RELN: variants seen among roughly 807,000 people sequenced by gnomAD.
The protein encoded by RELN is reelin.
A neutral mutation model predicts 427.6 loss-of-function variants in RELN; 108 were observed. The ratio of observed to expected loss-of-function variants is 0.25; its 90% CI spans 0.22 to 0.30. The LOEUF (loss-of-function observed/expected upper bound fraction) is 0.30, where lower values mean the gene tolerates loss of function less well. RELN is among the 10% of genes least tolerant of loss of function. The pLI, the probability that RELN is intolerant of heterozygous loss-of-function variation, is 1.00. For synonymous variants in RELN, 1,524 were observed against 1,513.4 expected (o/e 1.01, Z -0.16); for missense variants, 3,715 against 4,302.8 (o/e 0.86, Z 3.82).
chr7:103,768,852 G>T (rs929607604), intron 4 of RELN, among the ~76,000 whole-genome samples: 3 of 152,028 alleles, frequency 2.0e-5, no homozygotes, highest in Non-Finnish European at 2.9e-5. Flanking sequence ...CTTGAGAAGG[G>T]ATTTATTCTC....
Position 103,566,744 on chromosome 7 carries a change from T to C in RELN, c.4604A>G (p.Tyr1535Cys). 1 of 1,614,084 alleles carries C rather than the reference T, an allele frequency of 6.2e-7. No individual in the cohort carries two copies. Among genetic ancestry groups the C allele is most frequent in the Non-Finnish European group, 8.5e-7 (1 of 1,179,898 alleles). Reference sequence around the variant, plus strand: ...CCAGAGTATCCCATTGTCATTTGAATACTGAACAATAAGCCCTGAGTTAAA... The same window carrying C: ...CCAGAGTATCCCATTGTCATTTGAACACTGAACAATAAGCCCTGAGTTAAA... ...RTRNEGLIVQ[Y>C]SNDNGILWHL... Residue 1535 changes from tyrosine (Y) to cysteine (C), a missense_variant, in exon 32 of 65, where the codon TAT (tyrosine) becomes TGT (cysteine). Physicochemically the swap from Tyr to Cys is radical, Grantham distance 194. Around this residue, in one of 4 missense-constraint regions of RELN, gnomAD observed 2,208 missense variants for 2,361.7 expected, o/e 0.93. Coordinates refer to ENST00000428762, the MANE Select transcript of RELN (RefSeq NM_005045.4).
rs113274793 is a variant in RELN, at chr7:103,982,622, C to A, written c.226+6509G>T. The stretch of plus-strand genomic sequence containing the variant: ...GTCAAAGGAAGCAAAGGAGGAAAGA[C>A]AAAGATAAAATTTAGAGAGAGGAAG... On this transcript the variant is annotated intron_variant, in intron 1 of 64. Transcript: ENST00000428762. 9.8e-3 allele frequency among the ~76,000 whole-genome samples: 1,495 copies of A among 151,878 alleles called. 30 individuals carry two copies. The highest frequency in any genetic ancestry group is 0.034 in the African/African-American group (1,413 of 41,396).
At chr7:103,489,982 G>T in intron 59 of RELN, 83 bp from the exon 60 acceptor site, 1 of 1,535,504 alleles carries the variant, frequency 6.5e-7, no homozygotes. Context: ...CTGGGAGAGG[G>T]GACTATTTGT....
intron 2 of RELN, among the ~76,000 whole-genome samples, chr7:103,886,000 G>T (rs540383502): frequency 6.6e-6 from 1 of 152,182 alleles, no homozygotes; most frequent in South Asian, 2.1e-4. Flanking sequence ...CCAAAAAGAA[G>T]TTATATTATT....
chr7:103,901,991 C>T (rs919665337), intron 2 of RELN, among the ~76,000 whole-genome samples: 7 of 152,012 alleles, frequency 4.6e-5, no homozygotes, highest in African/African-American at 1.7e-4. Flanking sequence ...CCATGTGAGA[C>T]TTATTAATAT....
At chr7:103,768,150 C>G (rs990254318) in intron 4 of RELN, among the ~76,000 whole-genome samples, 1 of 152,100 alleles carries the variant, frequency 6.6e-6, no homozygotes, top group Non-Finnish European at 1.5e-5. Flanking sequence ...TTGTTTAGTA[C>G]TAAATATTGA....
chr7:103,721,172 C>G (rs1480876613), intron 8 of RELN, among the ~76,000 whole-genome samples: 1 of 152,054 alleles, frequency 6.6e-6, no homozygotes, highest in Non-Finnish European at 1.5e-5. Flanking sequence ...TAGTTATAAA[C>G]TTGAGATCTC....
intron 4 of RELN, among the ~76,000 whole-genome samples, chr7:103,768,770 T>A (rs948059465): frequency 5.3e-5 from 8 of 152,100 alleles, no homozygotes; most frequent in Admixed American, 5.2e-4. Context: ...AGACAGAGCA[T>A]GTTAAGGGAG....
chr7:103,490,938 G>A, intron 58 of RELN, 109 bp from the exon 59 acceptor site: 2 of 1,032,546 alleles, frequency 1.9e-6, no homozygotes, highest in Non-Finnish European at 2.9e-6. Flanking sequence ...TTGTATAGGA[G>A]TTTCCTGTTT....
intron 10 of RELN, among the ~76,000 whole-genome samples, chr7:103,695,443 G>C (rs116017664): frequency 0.011 from 1,706 of 152,144 alleles, 34 homozygotes; most frequent in African/African-American, 0.039. Context: ...TCAAATGTGT[G>C]ATTGGAAAGC....
At chr7:103,755,053 C>T (rs1258876042) in intron 4 of RELN, among the ~76,000 whole-genome samples, 1 of 152,166 alleles carries the variant, frequency 6.6e-6, no homozygotes, top group Non-Finnish European at 1.5e-5. Flanking sequence ...GACTCAACAG[C>T]TGTGCAGACT....
At chr7:103,666,263 TGTTTTGTCAC>T (rs1833265118) in intron 11 of RELN, among the ~76,000 whole-genome samples, 1 of 151,934 alleles carries the variant, frequency 6.6e-6, no homozygotes, top group Non-Finnish European at 1.5e-5. Flanking sequence ...TTAGAGATGA[TGTTTTGTCAC>T]GTTGCCCAGG....
chr7:103,552,645 G>A (rs1001496064), intron 40 of RELN, among the ~76,000 whole-genome samples: 3 of 151,664 alleles, frequency 2.0e-5, no homozygotes, highest in African/African-American at 7.3e-5. Context: ...TGAGATTACA[G>A]GTGCGCACCA....
intron 3 of RELN, among the ~76,000 whole-genome samples, chr7:103,828,596 A>C (rs1793199536): frequency 6.6e-6 from 1 of 151,864 alleles, no homozygotes; most frequent in Admixed American, 6.6e-5. Flanking sequence ...CTGTCCAGAC[A>C]GTTAAACCTA....
At chr7:103,727,954 T>G (rs1182489859) in intron 7 of RELN, among the ~76,000 whole-genome samples, 157 bp downstream of exon 7, 1 of 152,188 alleles carries the variant, frequency 6.6e-6, no homozygotes, top group Non-Finnish European at 1.5e-5. Context: ...AAATAGGCCA[T>G]AGAATCACCC....
intron 2 of RELN, among the ~76,000 whole-genome samples, chr7:103,890,815 C>T (rs747431279): frequency 3.0e-4 from 45 of 152,170 alleles, no homozygotes; most frequent in Admixed American, 2.2e-3. Context: ...CGATGGCCCA[C>T]GCCTGTAATC....
intron 6 of RELN, among the ~76,000 whole-genome samples, chr7:103,738,408 T>A (rs969690722): frequency 3.9e-5 from 6 of 151,922 alleles, no homozygotes; most frequent in Non-Finnish European, 7.4e-5. Context: ...TTTCTTCTTA[T>A]TGAAATTTTT....
intron 11 of RELN, among the ~76,000 whole-genome samples, chr7:103,671,128 T>C (rs989842363): frequency 6.6e-6 from 1 of 152,160 alleles, no homozygotes; most frequent in East Asian, 1.9e-4. Context: ...TTCATTTATA[T>C]TCATGAGGTT....
chr7:103,978,871 G>A (rs971856216), intron 1 of RELN, among the ~76,000 whole-genome samples: 8 of 152,164 alleles, frequency 5.3e-5, no homozygotes, highest in South Asian at 2.1e-4. Context: ...GTGAAATCAC[G>A]TTAGTCTCAT....
Sources: gnomAD v4.1 joint callset for allele counts (sites outside exome capture counted in the v4.1 genomes callset) on GRCh38, gnomAD v4.1.1 for gene constraint, gnomAD v4.1.1 regional missense constraint, MANE v1.5 for transcripts, NCBI Gene and HGNC (gene_info 2026-07-23, HGNC 2026-07-21) for gene names.